The following PHYHIP variants were observed in gnomAD, a reference collection of about 807,000 sequenced individuals.
PHYHIP encodes phytanoyl-CoA 2-hydroxylase interacting protein.
PHYHIP carries 7 observed loss-of-function variants against 26.1 expected under a neutral mutation model. The observed-to-expected ratio is 0.27, with a 90% CI of 0.15 to 0.50. The LOEUF is 0.50. PHYHIP is among the 20% of genes least tolerant of loss of function. The probability of loss-of-function intolerance (pLI) is 0.98; values close to 1 mark genes in which losing one functional copy is unlikely to be tolerated. For synonymous variants in PHYHIP, 206 were observed against 183.4 expected, an observed-to-expected ratio of 1.12 and a Z score of -1.00; for missense variants, 232 against 454.7, an observed-to-expected ratio of 0.51 and a Z score of 4.45.
Position 22,225,472 on chromosome 8 carries a change from C to A in PHYHIP, c.341-1129G>T, listed in dbSNP as rs189374879. 1.0e-3 allele frequency among the ~76,000 whole-genome samples: 153 copies of A among 151,670 alleles called. 1 individual carries two copies. In the East Asian group the frequency reaches 0.01, roughly 10 times the overall value. The stretch of plus-strand genomic sequence containing the variant: ...TCATGCCACTGCATTCCAACCTGGG[C>A]AACAGAGCAAGACCCTGTCTCAAAA... On this transcript the variant is annotated intron_variant, in intron 3 of 4. Coordinates refer to ENST00000454243, the MANE Select transcript of PHYHIP (RefSeq NM_014759.5).
intron 2 of PHYHIP, chr8:22,227,554 C>T (rs555887184): frequency 1.3e-5 from 6 of 452,770 alleles, no homozygotes; most frequent in African/African-American, 1.0e-4. Flanking sequence ...GCCAGCTGGC[C>T]GCCTCACTCC....
intron 1 of PHYHIP, among the ~76,000 whole-genome samples, chr8:22,230,681 C>T (rs981449415): frequency 2.2e-4 from 34 of 152,274 alleles, no homozygotes; most frequent in African/African-American, 8.2e-4. Context: ...GAGTGCCCAC[C>T]CACCCGCGTC....
Position 22,221,565 on chromosome 8 carries a change from A to G in PHYHIP, c.781T>C (p.Cys261Arg). The G allele has an allele frequency of 6.2e-7, 1 of 1,614,106 alleles. No homozygotes were observed. The highest frequency in any genetic ancestry group is 8.5e-7 in the Non-Finnish European group (1 of 1,180,000). ...RDRLPLLDIA[C>R]NKFLTCSVED... ...ACGCTGCAGGTCAGGAACTTGTTGC[A>G]AGCAATGTCCAGGAGGGGCAGGCGG... Residue 261 changes from cysteine (C) to arginine (R), a missense_variant, in exon 5 of 5, where the codon TGC (cysteine) becomes CGC (arginine). Coordinates refer to ENST00000454243, the MANE Select transcript of PHYHIP (RefSeq NM_014759.5). The surrounding 1 kb of genome is among the most constrained non-coding windows in gnomAD (Gnocchi z 7.9).
At position 22,224,219 on chromosome 8, in the gene PHYHIP, C is replaced by T. The variant is rs771916967; in HGVS notation, c.458+7G>A. Reference sequence around the variant, plus strand: ...CGGCGGGTCCAGCCGGGAGCCCGCGCCCATACCTGGCATGCTGGAAGTACT... The same window carrying T: ...CGGCGGGTCCAGCCGGGAGCCCGCGTCCATACCTGGCATGCTGGAAGTACT... On this transcript the variant is annotated splice_region_variant and intron_variant, in intron 4 of 4. Coordinates refer to ENST00000454243, the MANE Select transcript of PHYHIP (RefSeq NM_014759.5). 1.6e-5 allele frequency: 25 copies of T among 1,553,046 alleles called. No homozygotes were observed. The highest frequency in any genetic ancestry group is 2.2e-5 in the Non-Finnish European group (25 of 1,125,904).
intron 1 of PHYHIP, among the ~76,000 whole-genome samples, chr8:22,231,365 C>T (rs1829862238): frequency 6.6e-6 from 1 of 152,248 alleles, no homozygotes; most frequent in Admixed American, 6.5e-5. Context: ...AGATATGTTT[C>T]TAGACATGCC....
Position 22,221,558 on chromosome 8 carries a change from T to C in PHYHIP, c.788A>G (p.Lys263Arg). Residue 263 changes from lysine (K) to arginine (R), a missense_variant, in exon 5 of 5, where the codon AAG becomes AGG. By Grantham distance (26) the Lys-to-Arg change is conservative. Transcript: ENST00000454243. This position sits in a 1 kb window ranked among gnomAD's most constrained non-coding sequence, Gnocchi z 7.9. ...RLPLLDIACN[K>R]FLTCSVEDGE... ...ATCCTCCACGCTGCAGGTCAGGAAC[T>C]TGTTGCAAGCAATGTCCAGGAGGGG... 2 of 1,614,112 alleles carry C rather than the reference T, an allele frequency of 1.2e-6. No homozygotes were observed. The highest frequency in any genetic ancestry group is 8.5e-7 in the Non-Finnish European group (1 of 1,180,000).
At position 22,221,206 on chromosome 8, in the gene PHYHIP, C is replaced by T; in HGVS notation, c.*147G>A. 2.7e-6 allele frequency: 2 copies of T among 740,078 alleles called. No individual in the cohort carries two copies. The highest frequency in any genetic ancestry group is 4.2e-6 in the Non-Finnish European group (2 of 471,526). 45.8% of individuals were successfully genotyped at this position (740,078 alleles called of 1,614,324 possible). On this transcript the variant is annotated 3_prime_UTR_variant, in exon 5 of 5. Coordinates refer to ENST00000454243, the MANE Select transcript of PHYHIP (RefSeq NM_014759.5). The surrounding 1 kb of genome is among the most constrained non-coding windows in gnomAD (Gnocchi z 7.9). ...TACCAAGAGGACCACCGTCTGTTGC[C>T]TCCAATGCCAAGGGGCGAGGGGAGG... is the stretch of plus-strand genomic sequence containing the variant.
intron 1 of PHYHIP, among the ~76,000 whole-genome samples, chr8:22,231,165 C>T (rs1367327175): frequency 1.3e-5 from 2 of 152,210 alleles, no homozygotes; most frequent in East Asian, 3.8e-4. Context: ...CCCTTCTTCT[C>T]TTTACCCACT....
intron 3 of PHYHIP, among the ~76,000 whole-genome samples, chr8:22,226,308 T>C (rs554808972): frequency 1.4e-3 from 208 of 152,254 alleles, no homozygotes; most frequent in African/African-American, 4.4e-3. Context: ...ACAAATCCTA[T>C]ACAATTGTAC....
intron 4 of PHYHIP, 90 bp downstream of exon 4, chr8:22,224,136 G>C: frequency 1.3e-6 from 1 of 783,528 alleles, no homozygotes; most frequent in African/African-American, 1.7e-5. Context: ...CCACGAGGGT[G>C]GGGGTGACCT....
chr8:22,226,452 G>A (rs1280388497), intron 3 of PHYHIP, among the ~76,000 whole-genome samples: 1 of 152,142 alleles, frequency 6.6e-6, no homozygotes, highest in East Asian at 1.9e-4. Context: ...CTGGAGACTG[G>A]CTGTACAACA....
chr8:22,226,855 A>G lies in PHYHIP; in HGVS notation c.336T>C (p.Thr112=), dbSNP rs756701877. 3.3e-5 allele frequency: 53 copies of G among 1,611,898 alleles called. No homozygotes were observed. In the Admixed American group the frequency reaches 4.9e-4, roughly 15 times the overall value. ...GGTGTGATAGCAGGGCCTCACCCCCAGTGCAGAACTCCACCGTCTCGCTCC... is the reference window on the plus strand; with the variant it reads ...GGTGTGATAGCAGGGCCTCACCCCCGGTGCAGAACTCCACCGTCTCGCTCC... ...SGWSETVEFC[T]GDYAKEHLAQ... is the part of the protein sequence containing the mutation. Residue 112 remains threonine, a synonymous_variant, in exon 3 of 5, where the codon ACT becomes ACC. Transcript: ENST00000454243.
Position 22,221,545 on chromosome 8 carries a change from G to A in PHYHIP, c.801C>T (p.Cys267=), listed in dbSNP as rs753896475. The A allele has an allele frequency of 6.2e-7, 1 of 1,614,142 alleles. No homozygotes were observed. The highest frequency in any genetic ancestry group is 1.7e-5 in the Admixed American group (1 of 60,030). Residue 267 remains cysteine (C), a synonymous_variant, in exon 5 of 5, where the codon TGC becomes TGT. Coordinates refer to ENST00000454243, the MANE Select transcript of PHYHIP (RefSeq NM_014759.5). This position sits in a 1 kb window ranked among gnomAD's most constrained non-coding sequence, Gnocchi z 7.9. ...AGACCAGCTCCCCATCCTCCACGCT[G>A]CAGGTCAGGAACTTGTTGCAAGCAA... ...LDIACNKFLT[C]SVEDGELVFR... is the part of the protein sequence containing the mutation.
rs1410835187 is a variant in PHYHIP at position 22,226,579 on chromosome 8, G to A, written c.340+272C>T. Among the ~76,000 whole-genome samples, 3 of 152,184 alleles carry A rather than the reference G, an allele frequency of 2.0e-5. No individual in the cohort carries two copies. In the South Asian group the frequency reaches 6.2e-4, roughly 32 times the overall value. On this transcript the variant is annotated intron_variant, in intron 3 of 4. Coordinates refer to ENST00000454243, the MANE Select transcript of PHYHIP (RefSeq NM_014759.5). ...AAAGATGCCTGTGATCTGGTACCAA[G>A]CCCGAAAAGTAACTCCCTTTCTTAA...
Position 22,224,450 on chromosome 8 carries a change from G to C in PHYHIP, c.341-107C>G, listed in dbSNP as rs528779693. 1.2e-4 allele frequency: 85 copies of C among 698,070 alleles called. No homozygotes were observed. The African/African-American group carries it at 1.4e-3, about 11-fold the overall frequency. The allele number at this position is 698,070 out of a possible 1,614,324, so 43.2% of individuals were successfully genotyped here. ...TGTGTGTGCCGGCCAACCTCTGTCC[G>C]CCAGAGCAGCAGGGGAGACTAGACA... On this transcript the variant is annotated intron_variant, in intron 3 of 4. Coordinates refer to ENST00000454243, the MANE Select transcript of PHYHIP (RefSeq NM_014759.5).
rs1829623498 is a variant in PHYHIP at position 22,221,515 on chromosome 8, G to A, written c.831C>T (p.Arg277=). The change falls in exon 5 of 5, where the codon CGC becomes CGT. Residue 277 remains arginine (R), a synonymous_variant. Coordinates refer to ENST00000454243, the MANE Select transcript of PHYHIP (RefSeq NM_014759.5). This position sits in a 1 kb window ranked among gnomAD's most constrained non-coding sequence, Gnocchi z 7.9. ...CSVEDGELVF[R]HAQDLILEII... is the part of the protein sequence containing the mutation. The stretch of plus-strand genomic sequence containing the variant: ...TCTCCAGGATGAGGTCCTGGGCGTG[G>A]CGGAAGACCAGCTCCCCATCCTCCA... The A allele has an allele frequency of 6.2e-7, 1 of 1,614,134 alleles. No individual in the cohort carries two copies. The highest frequency in any genetic ancestry group is 1.1e-5 in the South Asian group (1 of 91,088).
intron 1 of PHYHIP, among the ~76,000 whole-genome samples, chr8:22,229,317 C>A (rs4872428): frequency 0.33 from 50,131 of 152,018 alleles, 9,308 homozygotes; most frequent in South Asian, 0.43. Flanking sequence ...ACATGTGTGG[C>A]GTGTGTGCAT....
chr8:22,221,690 T>C lies in PHYHIP; in HGVS notation c.656A>G (p.Asn219Ser). 1 of 1,612,304 alleles carries C rather than the reference T, an allele frequency of 6.2e-7. No homozygotes were observed. The highest frequency in any genetic ancestry group is 8.5e-7 in the Non-Finnish European group (1 of 1,179,456). ...PAQRLFNPST[N>S]LYFADFYCMY... Reference sequence around the variant, plus strand: ...GCAGTAGAAGTCCGCAAAGTAGAGGTTGGTGCTGGGATTGAAGAGGCGCTG... The same window carrying C: ...GCAGTAGAAGTCCGCAAAGTAGAGGCTGGTGCTGGGATTGAAGAGGCGCTG... Residue 219 changes from asparagine to serine, a missense_variant, in exon 5 of 5, where the codon AAC becomes AGC. Asn to Ser is a conservative substitution (Grantham distance 46, BLOSUM62 1). Transcript: ENST00000454243. This position sits in a 1 kb window ranked among gnomAD's most constrained non-coding sequence, Gnocchi z 7.9.
chr8:22,230,381 C>G (rs577851316), intron 1 of PHYHIP, among the ~76,000 whole-genome samples: 94 of 152,224 alleles, frequency 6.2e-4, no homozygotes, highest in Non-Finnish European at 1.3e-3. Context: ...CGGTAGGGGT[C>G]TCCAGGACCT....
Sources: allele counts gnomAD v4.1 joint callset (sites outside exome capture counted in the v4.1 genomes callset), GRCh38; gene constraint gnomAD v4.1.1; non-coding constraint Gnocchi (gnomAD v3.1); transcripts MANE v1.5; gene names NCBI Gene and HGNC (gene_info 2026-07-23, HGNC 2026-07-21).